Variants in FMN2 observed in about 807,000 individuals in gnomAD.
The protein encoded by FMN2 is formin 2.
FMN2 carries 51 observed loss-of-function variants against 142.3 expected under a neutral mutation model. The observed-to-expected ratio is 0.36, with a 90% CI of 0.29 to 0.45. The LOEUF is 0.45. Among genes scored for constraint, FMN2 ranks in the 20% least tolerant of loss-of-function variants. FMN2 has a pLI of 1.00. For missense variants in FMN2, 1,936 were observed against 2,122.8 expected, an observed-to-expected ratio of 0.91 and a Z score of 1.73; for synonymous variants, 882 against 869.8, an observed-to-expected ratio of 1.01 and a Z score of -0.25.
intron 2 of FMN2, chr1:240,143,645 G>A (rs1392977453): frequency 1.2e-6 from 2 of 1,610,036 alleles, no homozygotes; most frequent in African/African-American, 1.3e-5. Flanking sequence ...GCAACCTCCA[G>A]TGCAGCCAGG....
At chr1:240,426,635 A>G (rs2103152685) in intron 15 of FMN2, among the ~76,000 whole-genome samples, 1 of 152,270 alleles carries the variant, frequency 6.6e-6, no homozygotes, top group South Asian at 2.1e-4. Context: ...CTATAACCCT[A>G]CCCGCTTGCC....
chr1:240,458,590 A>C (rs373674283), intron 16 of FMN2: 2 of 152,220 alleles, frequency 1.3e-5, no homozygotes, highest in East Asian at 3.8e-4. Context: ...ACTGGCTTTA[A>C]TAAAAAACTT....
At chr1:240,336,739 A>T (rs1370501816) in intron 13 of FMN2, among the ~76,000 whole-genome samples, 1 of 152,086 alleles carries the variant, frequency 6.6e-6, no homozygotes, top group East Asian at 1.9e-4. Context: ...ACTTACAGGG[A>T]AGGTTGGAGA....
chr1:240,393,691 C>T (rs1673684283), intron 15 of FMN2, among the ~76,000 whole-genome samples: 2 of 152,078 alleles, frequency 1.3e-5, no homozygotes, highest in South Asian at 2.1e-4. Context: ...AAACAGTTAG[C>T]CAAGTTATGA....
chr1:240,171,419 G>A, intron 2 of FMN2: 1 of 471,468 alleles, frequency 2.1e-6, no homozygotes, highest in Non-Finnish European at 3.9e-6. Flanking sequence ...CGTCATTCAT[G>A]AATCTCTGTA....
intron 7 of FMN2, among the ~76,000 whole-genome samples, chr1:240,269,126 G>A (rs1211538777): frequency 6.6e-6 from 1 of 151,908 alleles, no homozygotes; most frequent in Non-Finnish European, 1.5e-5. Context: ...TAATTGCCCT[G>A]ACCAATGTCA....
At chr1:240,152,168 C>T (rs546175871) in intron 2 of FMN2, among the ~76,000 whole-genome samples, 64 of 152,174 alleles carry the variant, frequency 4.2e-4, no homozygotes, top group Middle Eastern at 6.8e-3. Flanking sequence ...AGGGTAGGTA[C>T]CACCATGGGC....
intron 8 of FMN2, among the ~76,000 whole-genome samples, chr1:240,305,584 T>C (rs1359548351): frequency 1.3e-5 from 2 of 151,836 alleles, no homozygotes; most frequent in Non-Finnish European, 2.9e-5. Flanking sequence ...AACTATATTC[T>C]TCCTTCAATT....
chr1:240,277,822 A>C (rs1252316403), intron 7 of FMN2, among the ~76,000 whole-genome samples: 1 of 152,020 alleles, frequency 6.6e-6, no homozygotes, highest in Non-Finnish European at 1.5e-5. Flanking sequence ...GGTGTGAGCC[A>C]CAGCGCCTGG....
chr1:240,121,735 TAAAAAAAAAAA>T (rs71168898), intron 1 of FMN2, among the ~76,000 whole-genome samples: 13 of 25,678 alleles, frequency 5.1e-4, no homozygotes, highest in East Asian at 1.8e-3. Context: ...AGGGAAATAG[TAAAAAAAAAAA>T]AAAAAAAAAA....
chr1:240,205,173 G>T (rs573060552), intron 4 of FMN2, among the ~76,000 whole-genome samples: 35 of 152,092 alleles, frequency 2.3e-4, no homozygotes, highest in African/African-American at 8.0e-4. Flanking sequence ...GAACACTCTG[G>T]AACACTCTGT....
At position 240,207,008 on chromosome 1, in the gene FMN2, A is replaced by T; in HGVS notation, c.2196A>T (p.Glu732Asp). The stretch of plus-strand genomic sequence containing the variant: ...AAGCTCTCAGGTTAGAAGAAAAGGA[A>T]GTACGGCATCATAGGATTTTAGAGG... ...CLEALRLEEK[E>D]VRHHRILEAK... Residue 732 changes from glutamate to aspartate, a missense_variant, in exon 5 of 18, where the codon GAA (glutamate) becomes GAT (aspartate). Coordinates refer to ENST00000319653, the MANE Select transcript of FMN2 (RefSeq NM_020066.5). 6.2e-7 allele frequency: 1 copy of T among 1,614,188 alleles called. No individual in the cohort carries two copies. Among genetic ancestry groups the T allele is most frequent in the African/African-American group, 1.3e-5 (1 of 75,062 alleles).
At chr1:240,439,303 G>GAAAGAA (rs1398610486) in intron 16 of FMN2, among the ~76,000 whole-genome samples, 11 of 145,472 alleles carry the variant, frequency 7.6e-5, no homozygotes, top group East Asian at 2.1e-4. Flanking sequence ...AAGAAAGAAA[G>GAAAGAA]AGTTACATCC....
At chr1:240,336,682 C>A (rs753770626) in intron 13 of FMN2, among the ~76,000 whole-genome samples, 3 of 150,102 alleles carry the variant, frequency 2.0e-5, no homozygotes, top group Non-Finnish European at 4.4e-5. Context: ...AAATGCAAGG[C>A]TGGTGTACTG....
At chr1:240,177,860 A>C in intron 2 of FMN2, 61 bp from the exon 3 acceptor site, 2 of 1,423,980 alleles carry the variant, frequency 1.4e-6, no homozygotes, top group Non-Finnish European at 1.9e-6. Context: ...TGTATTAGTC[A>C]TGGCTTATTT....
intron 14 of FMN2, among the ~76,000 whole-genome samples, chr1:240,359,115 ACT>A (rs1243158869): frequency 6.6e-6 from 1 of 152,042 alleles, no homozygotes; most frequent in Non-Finnish European, 1.5e-5. Flanking sequence ...ACAGAGCAAG[ACT>A]CTGTCTCAAA....
chr1:240,204,713 T>G (rs1257773248), intron 4 of FMN2, among the ~76,000 whole-genome samples: 1 of 152,152 alleles, frequency 6.6e-6, no homozygotes, highest in African/African-American at 2.4e-5. Context: ...ATCACGCTAT[T>G]GCACTCCAGC....
Position 240,164,243 on chromosome 1 carries a change from G to A in FMN2, c.1783-13678G>A, listed in dbSNP as rs576040738. Among the ~76,000 whole-genome samples the A allele has an allele frequency of 3.7e-4, 56 of 151,942 alleles. 1 individual carries two copies. In the South Asian group the frequency reaches 0.011, roughly 30 times the overall value. On this transcript the variant is annotated intron_variant, in intron 2 of 17. Transcript: ENST00000319653. ...ACATTTTTGCCTTTTTTGTTTTTTG[G>A]TACTTTCACCTATTTCCTGACAAAT...
At chr1:240,415,320 G>T in intron 15 of FMN2, among the ~76,000 whole-genome samples, 1 of 152,126 alleles carries the variant, frequency 6.6e-6, no homozygotes, top group East Asian at 1.9e-4. Context: ...TCACTCATAA[G>T]TGGGAGTTGA....
Sources: gnomAD v4.1 joint callset for allele counts (sites outside exome capture counted in the v4.1 genomes callset) on GRCh38, gnomAD v4.1.1 for gene constraint, MANE v1.5 for transcripts, NCBI Gene and HGNC (gene_info 2026-07-23, HGNC 2026-07-21) for gene names.